KIAA0825: variants seen among roughly 807,000 people sequenced by gnomAD.
KIAA0825 encodes KIAA0825, also known as uncharacterized protein KIAA0825.
Under a neutral mutation model 147.6 loss-of-function variants are expected in KIAA0825, and 119 were observed. The ratio of observed to expected loss-of-function variants is 0.81; its 90% confidence interval spans 0.69 to 0.94. The LOEUF (loss-of-function observed/expected upper bound fraction) is 0.94. Ranked by LOEUF, KIAA0825 falls within the 40% of genes least tolerant of loss-of-function variation. The pLI, the probability that KIAA0825 is intolerant of heterozygous loss-of-function variation, is 0.00. For missense variants in KIAA0825, 1,381 were observed against 1,472.7 expected, an observed-to-expected ratio of 0.94 and a Z score of 1.02; for synonymous variants, 470 against 518.1, an observed-to-expected ratio of 0.91 and a Z score of 1.26.
At chr5:94,200,946 CATATATAT>C (rs34842887) in intron 20 of KIAA0825, among the ~76,000 whole-genome samples, 8,499 of 103,886 alleles carry the variant, frequency 0.082, 330 homozygotes, top group Middle Eastern at 0.13. Context: ...AGAATTTAAA[CATATATAT>C]ATATATATAT....
intron 20 of KIAA0825, among the ~76,000 whole-genome samples, chr5:94,298,904 C>T (rs530812586): frequency 1.3e-5 from 2 of 152,128 alleles, no homozygotes; most frequent in East Asian, 1.9e-4. Context: ...AATATTTAGT[C>T]TGACCCAAGC....
intron 20 of KIAA0825, among the ~76,000 whole-genome samples, chr5:94,286,014 A>C (rs550016196): frequency 8.4e-4 from 128 of 152,290 alleles, no homozygotes; most frequent in Non-Finnish European, 1.3e-3. Flanking sequence ...GCAATGATGA[A>C]AACTATAATC....
intron 20 of KIAA0825, among the ~76,000 whole-genome samples, chr5:94,362,210 C>T (rs1426086614): frequency 2.6e-5 from 4 of 152,134 alleles, no homozygotes; most frequent in African/African-American, 7.2e-5. Context: ...CCTCCAGGGT[C>T]GGATGAGGCC....
At chr5:94,395,157 G>A (rs1020123310) in intron 17 of KIAA0825, among the ~76,000 whole-genome samples, 9 of 152,072 alleles carry the variant, frequency 5.9e-5, no homozygotes, top group African/African-American at 2.2e-4. Context: ...GGCTTTGAGC[G>A]ATTCAATAAC....
intron 20 of KIAA0825, among the ~76,000 whole-genome samples, chr5:94,208,613 G>C (rs1409339044): frequency 6.6e-6 from 1 of 152,178 alleles, no homozygotes; most frequent in Admixed American, 6.5e-5. Flanking sequence ...TTAACATCTA[G>C]CTGAGAGTTA....
intron 14 of KIAA0825, among the ~76,000 whole-genome samples, chr5:94,426,445 G>A (rs114491407): frequency 6.6e-6 from 1 of 152,288 alleles, no homozygotes; most frequent in African/African-American, 2.4e-5. Flanking sequence ...CGTGAAATAA[G>A]TTAGGCACAG....
At chr5:94,502,857 C>T (rs1765244599) in intron 5 of KIAA0825, among the ~76,000 whole-genome samples, 1 of 151,706 alleles carries the variant, frequency 6.6e-6, no homozygotes, top group African/African-American at 2.4e-5. Flanking sequence ...GCCTACAATC[C>T]CAGCATTTTG....
At chr5:94,607,625 A>G (rs550783226) in intron 1 of KIAA0825, among the ~76,000 whole-genome samples, 4 of 152,216 alleles carry the variant, frequency 2.6e-5, no homozygotes, top group African/African-American at 9.6e-5. Flanking sequence ...AAACAAACAA[A>G]CAAACAAACA....
At chr5:94,355,512 G>A (rs1169715530) in intron 20 of KIAA0825, among the ~76,000 whole-genome samples, 1 of 152,160 alleles carries the variant, frequency 6.6e-6, no homozygotes, top group African/African-American at 2.4e-5. Flanking sequence ...TGCAGGCCAT[G>A]ATTCCCCAGA....
chr5:94,576,954 G>A (rs959594265), intron 2 of KIAA0825, among the ~76,000 whole-genome samples: 7 of 152,230 alleles, frequency 4.6e-5, no homozygotes, highest in Middle Eastern at 3.4e-3. Context: ...GGATAATGAC[G>A]CACTGGTTTA....
At chr5:94,193,479 C>G (rs537026172) in intron 20 of KIAA0825, among the ~76,000 whole-genome samples, 3 of 152,286 alleles carry the variant, frequency 2.0e-5, no homozygotes, top group Admixed American at 6.5e-5. Context: ...ACACAGCTAG[C>G]AAATGGCAGC....
At chr5:94,600,578 A>G (rs1786217800) in intron 1 of KIAA0825, among the ~76,000 whole-genome samples, 1 of 152,178 alleles carries the variant, frequency 6.6e-6, no homozygotes, top group South Asian at 2.1e-4. Flanking sequence ...ATTTAGTATT[A>G]CCACCATAAC....
In KIAA0825 at chr5:94,532,825, T is replaced by TA. The variant is rs61008891; in HGVS notation, c.131+4170dup. ...ATTGAGATTACATCTTTCTTTAGAT[T>TA]AAAAAAAAAAAAAAAGTAGTCCAGC... is the stretch of plus-strand genomic sequence containing the variant. On this transcript the variant is annotated intron_variant, in intron 3 of 20. Coordinates refer to ENST00000682413, the MANE Select transcript of KIAA0825 (RefSeq NM_001145678.3). 1.3e-3 allele frequency among the ~76,000 whole-genome samples: 183 copies of TA among 136,500 alleles called. 1 individual carries two copies. The highest frequency in any genetic ancestry group is 6.2e-3 in the East Asian group (30 of 4,804). 89.5% of individuals were successfully genotyped at this position (136,500 alleles called of 152,430 possible). A position where few individuals can be genotyped will look rare whatever the true frequency, so the allele number is the denominator to read the frequency against.
chr5:94,406,564 A>G (rs963096582), intron 15 of KIAA0825, among the ~76,000 whole-genome samples: 15 of 152,224 alleles, frequency 9.9e-5, no homozygotes, highest in Non-Finnish European at 2.2e-4. Flanking sequence ...CTGCACCTCC[A>G]TTAAAGCTAT....
intron 20 of KIAA0825, among the ~76,000 whole-genome samples, chr5:94,186,443 A>G (rs531360467): frequency 6.6e-6 from 1 of 152,344 alleles, no homozygotes; most frequent in Admixed American, 6.5e-5. Context: ...AGAGAATTGT[A>G]GGACAACAAA....
intron 20 of KIAA0825, among the ~76,000 whole-genome samples, chr5:94,264,873 C>T (rs1408371593): frequency 6.6e-6 from 1 of 151,486 alleles, no homozygotes; most frequent in East Asian, 1.9e-4. Context: ...ACCTCTGCCT[C>T]CCAGGTACAA....
intron 1 of KIAA0825, chr5:94,593,638 T>C (rs879081734): frequency 3.5e-5 from 16 of 463,360 alleles, no homozygotes; most frequent in Middle Eastern, 3.3e-4. Context: ...CCTGGTAGTG[T>C]TGGGAACAAT....
chr5:94,379,617 T>G (rs1037515169), intron 20 of KIAA0825, among the ~76,000 whole-genome samples: 3 of 152,150 alleles, frequency 2.0e-5, no homozygotes, highest in Non-Finnish European at 4.4e-5. Context: ...TTAAAATAAC[T>G]AATTCTGTGA....
chr5:94,584,663 A>C (rs777141567), intron 1 of KIAA0825, among the ~76,000 whole-genome samples: 9 of 152,226 alleles, frequency 5.9e-5, no homozygotes, highest in Non-Finnish European at 1.2e-4. Flanking sequence ...AGACAGGCCA[A>C]CATTCAAATT....
Sources: allele counts gnomAD v4.1 joint callset (sites outside exome capture counted in the v4.1 genomes callset), GRCh38; gene constraint gnomAD v4.1.1; transcripts MANE v1.5; gene names NCBI Gene and HGNC (gene_info 2026-07-23, HGNC 2026-07-21).